ATP2B2: variants seen among roughly 807,000 people sequenced by gnomAD.
ATP2B2 encodes plasma membrane calcium-transporting ATPase 2.
In ATP2B2, 15 loss-of-function variants were observed where a neutral mutation model predicts 120.0. The observed-to-expected ratio is 0.12, with a 90% CI of 0.08 to 0.19. The LOEUF (loss-of-function observed/expected upper bound fraction) is 0.19, where lower values mean the gene tolerates loss of function less well. Among genes scored for constraint, ATP2B2 ranks in the 10% least tolerant of loss-of-function variants. The pLI, the probability that ATP2B2 is intolerant of heterozygous loss-of-function variation, is 1.00. For missense variants in ATP2B2, 1,045 were observed against 1,719.8 expected (o/e 0.61, Z 6.94); for synonymous variants, 694 against 700.3 (o/e 0.99, Z 0.14).
rs565573317 is a variant in ATP2B2, at chr3:10,352,796, T to C, written c.2137-2219A>G. Among the ~76,000 whole-genome samples the C allele has an allele frequency of 1.2e-4, 18 of 152,366 alleles. No individual in the cohort carries two copies. The South Asian group carries it at 3.5e-3, about 30-fold the overall frequency. ...GGCTGTAAACTGGGCTGTGGCCCCC[T>C]GCTGTCTCCTGCCCCTGAGAACAGC... On this transcript the variant is annotated intron_variant, in intron 14 of 22. Coordinates refer to ENST00000360273, the MANE Select transcript of ATP2B2 (RefSeq NM_001001331.4).
At chr3:10,434,685 C>T (rs1022374005) in intron 2 of ATP2B2, among the ~76,000 whole-genome samples, 1 of 152,246 alleles carries the variant, frequency 6.6e-6, no homozygotes, top group African/African-American at 2.4e-5. Context: ...CTCATGGTGC[C>T]CCATGGCCAG....
chr3:10,441,181 C>G (rs545762066), intron 2 of ATP2B2, among the ~76,000 whole-genome samples: 4 of 151,920 alleles, frequency 2.6e-5, no homozygotes, highest in Non-Finnish European at 5.9e-5. Context: ...TACACTGAGG[C>G]CTTGGCTTCC....
intron 1 of ATP2B2, among the ~76,000 whole-genome samples, chr3:10,494,857 T>G (rs377532620): frequency 2.6e-5 from 4 of 152,284 alleles, no homozygotes; most frequent in Non-Finnish European, 2.9e-5. Context: ...CTATGGTCAT[T>G]TCCCCCCAAG....
intron 2 of ATP2B2, among the ~76,000 whole-genome samples, chr3:10,569,680 G>A (rs1040810469): frequency 1.3e-5 from 2 of 152,156 alleles, no homozygotes; most frequent in Admixed American, 6.5e-5. Flanking sequence ...GCTTTTTGGA[G>A]TGTGTGAGCT....
chr3:10,663,765 A>T (rs1199118163), intron 1 of ATP2B2, among the ~76,000 whole-genome samples: 2 of 152,104 alleles, frequency 1.3e-5, no homozygotes, highest in African/African-American at 2.4e-5. Flanking sequence ...TGTTTTCAGG[A>T]TATGGCAAGG....
intron 1 of ATP2B2, among the ~76,000 whole-genome samples, chr3:10,476,709 C>T (rs936028584): frequency 2.6e-5 from 4 of 152,208 alleles, no homozygotes; most frequent in Non-Finnish European, 5.9e-5. Context: ...TTCCAGACAC[C>T]AAGTTCCTTT....
In ATP2B2 at chr3:10,329,152, G is replaced by T; in HGVS notation, c.3421-27C>A. 17 of 1,537,340 alleles carry T rather than the reference G, an allele frequency of 1.1e-5. No individual in the cohort carries two copies. The highest frequency in any genetic ancestry group is 1.4e-5 in the Non-Finnish European group (16 of 1,137,112). ...TGCAAGGGAAGCACAGGGGTCAGGAGCACTGCCCAGGGACCACAGCCAGGC... is the reference window on the plus strand; with the variant it reads ...TGCAAGGGAAGCACAGGGGTCAGGATCACTGCCCAGGGACCACAGCCAGGC... On this transcript the variant is annotated intron_variant, in intron 22 of 22. Coordinates refer to ENST00000360273, the MANE Select transcript of ATP2B2 (RefSeq NM_001001331.4). This position sits in a 1 kb window ranked among gnomAD's most constrained non-coding sequence, Gnocchi z 5.9.
chr3:10,335,361 G>A (rs2125343278), intron 22 of ATP2B2, among the ~76,000 whole-genome samples: 1 of 152,338 alleles, frequency 6.6e-6, no homozygotes, highest in Middle Eastern at 3.4e-3. Context: ...AAAGGTGTCT[G>A]CAGGGCAGCT....
chr3:10,336,551 G>C (rs895607142), intron 22 of ATP2B2, among the ~76,000 whole-genome samples: 3 of 152,198 alleles, frequency 2.0e-5, no homozygotes, highest in Admixed American at 1.3e-4. Flanking sequence ...AGTGGCTCAG[G>C]GGCCAGTGGG....
chr3:10,409,055 G>A (rs2062516336), intron 3 of ATP2B2, among the ~76,000 whole-genome samples: 2 of 152,206 alleles, frequency 1.3e-5, no homozygotes, highest in Non-Finnish European at 2.9e-5. Flanking sequence ...ATAATTAAAT[G>A]GACTTCTATC....
intron 2 of ATP2B2, among the ~76,000 whole-genome samples, chr3:10,576,711 T>C (rs923023779): frequency 4.6e-5 from 7 of 152,018 alleles, no homozygotes; most frequent in Non-Finnish European, 1.0e-4. Context: ...CAGAGTCCTT[T>C]TGAAGAGCTG....
At chr3:10,613,153 C>A (rs1018604070) in intron 2 of ATP2B2, among the ~76,000 whole-genome samples, 7 of 152,134 alleles carry the variant, frequency 4.6e-5, no homozygotes, top group African/African-American at 1.7e-4. Context: ...AGTGGAGTTT[C>A]CAGTTGGTGA....
At chr3:10,659,613 C>T (rs2070728056) in intron 1 of ATP2B2, among the ~76,000 whole-genome samples, 1 of 152,178 alleles carries the variant, frequency 6.6e-6, no homozygotes, top group South Asian at 2.1e-4. Context: ...TAGAGACCTA[C>T]AAAGAGACTT....
intron 2 of ATP2B2, among the ~76,000 whole-genome samples, chr3:10,615,623 G>A (rs2069364157): frequency 6.6e-6 from 1 of 152,182 alleles, no homozygotes; most frequent in Non-Finnish European, 1.5e-5. Context: ...CCACAGAGGT[G>A]AAGCTTTGTT....
chr3:10,545,980 A>C (rs2067537048), intron 2 of ATP2B2, among the ~76,000 whole-genome samples: 1 of 152,246 alleles, frequency 6.6e-6, no homozygotes, highest in Non-Finnish European at 1.5e-5. Flanking sequence ...TGGTTATGGT[A>C]TGCAAAACAA....
chr3:10,350,714 G>T, intron 14 of ATP2B2, 137 bp from the exon 15 acceptor site: 1 of 906,690 alleles, frequency 1.1e-6, no homozygotes, highest in Non-Finnish European at 1.7e-6. Context: ...TGCTGATGAC[G>T]CACATGGCAT....
chr3:10,363,738 T>C (rs1402890253), intron 12 of ATP2B2, among the ~76,000 whole-genome samples: 1 of 150,598 alleles, frequency 6.6e-6, no homozygotes, highest in African/African-American at 2.4e-5. Flanking sequence ...ATAATGTTGG[T>C]GAGGATGTGG....
chr3:10,496,686 C>A (rs543935123), intron 1 of ATP2B2, among the ~76,000 whole-genome samples: 1 of 152,298 alleles, frequency 6.6e-6, no homozygotes, highest in South Asian at 2.1e-4. Flanking sequence ...CAACCCCGCC[C>A]CTTCCCCCGT....
At chr3:10,385,408 G>A (rs2061647478) in intron 7 of ATP2B2, 81 bp from the exon 8 acceptor site, 1 of 1,265,102 alleles carries the variant, frequency 7.9e-7, no homozygotes, top group African/African-American at 1.5e-5. Flanking sequence ...ACCAACTTGT[G>A]GGGAGATAAC....
Sources: allele counts gnomAD v4.1 joint callset (sites outside exome capture counted in the v4.1 genomes callset), GRCh38; gene constraint gnomAD v4.1.1; non-coding constraint Gnocchi (gnomAD v3.1); transcripts MANE v1.5; gene names NCBI Gene and HGNC (gene_info 2026-07-23, HGNC 2026-07-21).